Variants in ARL6IP5 observed in about 807,000 individuals in gnomAD.
The protein encoded by ARL6IP5 is PRA1 family protein 3.
Under a neutral mutation model 13.0 loss-of-function variants are expected in ARL6IP5, and 6 were observed. That is an observed-to-expected ratio of 0.46 (90% CI 0.25 to 0.91). The LOEUF (loss-of-function observed/expected upper bound fraction) is 0.91, where lower values mean the gene tolerates loss of function less well. ARL6IP5 is among the 40% of genes least tolerant of loss of function. ARL6IP5 has a pLI of 0.17. For synonymous variants in ARL6IP5, 91 were observed against 91.9 expected (o/e 0.99, Z 0.06); for missense variants, 208 against 248.8 (o/e 0.84, Z 1.10).
intron 1 of ARL6IP5, among the ~76,000 whole-genome samples, chr3:69,091,654 CTTTT>C (rs529198443): frequency 9.5e-6 from 1 of 105,756 alleles, no homozygotes; most frequent in Admixed American, 9.9e-5. Context: ...CTCCGTCCAG[CTTTT>C]TTTTTTTTTT....
intron 1 of ARL6IP5, among the ~76,000 whole-genome samples, chr3:69,093,268 G>C (rs1333008511): frequency 6.6e-6 from 1 of 152,168 alleles, no homozygotes; most frequent in Non-Finnish European, 1.5e-5. Flanking sequence ...AAATTACACA[G>C]GATACAGTAA....
Position 69,104,753 on chromosome 3 carries a change from A to G in ARL6IP5, c.*117A>G, listed in dbSNP as rs973581153. 8 of 1,134,686 alleles carry G rather than the reference A, an allele frequency of 7.1e-6. No individual in the cohort carries two copies. Among genetic ancestry groups the G allele is most frequent in the Middle Eastern group, 1.9e-4 (1 of 5,152 alleles). 70.3% of individuals were successfully genotyped at this position (1,134,686 alleles called of 1,614,324 possible). On this transcript the variant is annotated 3_prime_UTR_variant, in exon 3 of 3. Coordinates refer to ENST00000273258, the MANE Select transcript of ARL6IP5 (RefSeq NM_006407.4). The stretch of plus-strand genomic sequence containing the variant: ...AGGTGCACGTACCACCCAATTATCT[A>G]TGGCAGCATGCATGTATAGGCCGAA...
chr3:69,103,518 A>AG (rs1318343829), intron 2 of ARL6IP5, among the ~76,000 whole-genome samples: 3 of 152,224 alleles, frequency 2.0e-5, no homozygotes, highest in Admixed American at 6.5e-5. Context: ...GTGGTACCCA[A>AG]GGATGTTAGG....
At chr3:69,085,630 C>A (rs1021988700) in intron 1 of ARL6IP5, among the ~76,000 whole-genome samples, 12 of 152,120 alleles carry the variant, frequency 7.9e-5, no homozygotes, top group African/African-American at 2.9e-4. Context: ...CTGGCTGGGG[C>A]GGCAGGGTGT....
intron 1 of ARL6IP5, among the ~76,000 whole-genome samples, chr3:69,097,416 C>T (rs1170315692): frequency 6.6e-6 from 1 of 151,034 alleles, no homozygotes; most frequent in Non-Finnish European, 1.5e-5. Flanking sequence ...TCAAGCGATG[C>T]ATCCGCCACC....
intron 1 of ARL6IP5, among the ~76,000 whole-genome samples, chr3:69,091,717 T>A (rs1376074533): frequency 1.3e-5 from 2 of 151,466 alleles, no homozygotes. Context: ...GTAGTTTCTG[T>A]TTCCTTTCCC....
chr3:69,104,714 G>A lies in ARL6IP5; in HGVS notation c.*78G>A, dbSNP rs1015033877. 3.5e-5 allele frequency: 54 copies of A among 1,528,172 alleles called. 2 individuals are homozygous for A. The Admixed American group carries it at 3.5e-4, about 10-fold the overall frequency. 94.7% of individuals were successfully genotyped at this position (1,528,172 alleles called of 1,614,324 possible). On this transcript the variant is annotated 3_prime_UTR_variant, in exon 3 of 3. Transcript: ENST00000273258. ...TTGTCCAGACCTATGTTCTGCTTGC[G>A]TTTTTGAAACAGGAGGTGCACGTAC...
intron 1 of ARL6IP5, among the ~76,000 whole-genome samples, chr3:69,093,983 T>C (rs2092278641): frequency 6.6e-6 from 1 of 152,154 alleles, no homozygotes; most frequent in Admixed American, 6.5e-5. Flanking sequence ...CATATGGAGC[T>C]GTGCTCTGGT....
At chr3:69,093,381 T>A (rs1490586714) in intron 1 of ARL6IP5, among the ~76,000 whole-genome samples, 1 of 152,182 alleles carries the variant, frequency 6.6e-6, no homozygotes, top group Admixed American at 6.5e-5. Flanking sequence ...AGAGACAGGC[T>A]CCTGTTCAGT....
In ARL6IP5 at chr3:69,104,625, G is replaced by T; in HGVS notation, c.556G>T (p.Val186Leu). 6.2e-7 allele frequency: 1 copy of T among 1,613,428 alleles called. No individual in the cohort carries two copies. The highest frequency in any genetic ancestry group is 8.5e-7 in the Non-Finnish European group (1 of 1,179,766). ...INRLTDYISK[V>L]KE ...CAGACTCACTGACTATATCAGCAAAGTGAAGGAATAAACATAACTTACCTG... is the reference window on the plus strand; with the variant it reads ...CAGACTCACTGACTATATCAGCAAATTGAAGGAATAAACATAACTTACCTG... Residue 186 changes from valine (V) to leucine (L), a missense_variant, in exon 3 of 3, where the codon GTG becomes TTG. By Grantham distance (32) the Val-to-Leu change is conservative. Coordinates refer to ENST00000273258, the MANE Select transcript of ARL6IP5 (RefSeq NM_006407.4).
intron 2 of ARL6IP5, among the ~76,000 whole-genome samples, chr3:69,103,260 A>C (rs1263882709): frequency 6.6e-6 from 1 of 152,232 alleles, no homozygotes; most frequent in Non-Finnish European, 1.5e-5. Context: ...TCCACATCAG[A>C]ACCTGAGACA....
Position 69,105,179 on chromosome 3 carries a change from T to C in ARL6IP5, c.*543T>C. Reference sequence around the variant, plus strand: ...GTGCAGTGGAAACTGGTTAAGCCAGTTGTTCATACTTCCTTTACAAATATA... The same window carrying C: ...GTGCAGTGGAAACTGGTTAAGCCAGCTGTTCATACTTCCTTTACAAATATA... On this transcript the variant is annotated 3_prime_UTR_variant, in exon 3 of 3. Transcript: ENST00000273258. The C allele has an allele frequency of 3.2e-6, 1 of 312,802 alleles. No individual in the cohort carries two copies. Among genetic ancestry groups the C allele is most frequent in the Non-Finnish European group, 5.9e-6 (1 of 170,934 alleles). 19.4% of individuals were successfully genotyped at this position (312,802 alleles called of 1,614,324 possible).
chr3:69,102,401 G>A (rs2092308514), intron 2 of ARL6IP5, among the ~76,000 whole-genome samples: 1 of 152,180 alleles, frequency 6.6e-6, no homozygotes, highest in African/African-American at 2.4e-5. Context: ...GAATAGCTGG[G>A]ACCACAGGTG....
chr3:69,089,578 G>T (rs888941977), intron 1 of ARL6IP5, among the ~76,000 whole-genome samples: 1 of 150,618 alleles, frequency 6.6e-6, no homozygotes, highest in African/African-American at 2.4e-5. Context: ...GCAGAGATGG[G>T]AGGATTGCTC....
At chr3:69,098,508 G>T (rs1028608220) in intron 1 of ARL6IP5, among the ~76,000 whole-genome samples, 1 of 151,888 alleles carries the variant, frequency 6.6e-6, no homozygotes, top group African/African-American at 2.4e-5. Flanking sequence ...GCCTCCCAAA[G>T]TGCTGGGATT....
intron 1 of ARL6IP5, among the ~76,000 whole-genome samples, chr3:69,091,156 C>T (rs768019402): frequency 9.9e-5 from 15 of 152,160 alleles, no homozygotes; most frequent in East Asian, 3.9e-4. Flanking sequence ...CAAGAACGCA[C>T]GCCACTGCAC....
chr3:69,093,691 G>C (rs188952014), intron 1 of ARL6IP5, among the ~76,000 whole-genome samples: 5 of 151,446 alleles, frequency 3.3e-5, no homozygotes, highest in Non-Finnish European at 7.4e-5. Context: ...GAACCAGGGA[G>C]TCAGAGGTTG....
intron 1 of ARL6IP5, among the ~76,000 whole-genome samples, chr3:69,087,588 C>T (rs1215720960): frequency 6.6e-6 from 1 of 152,206 alleles, no homozygotes; most frequent in Non-Finnish European, 1.5e-5. Flanking sequence ...CTGTGAAGGC[C>T]AGGGGCCAGC....
chr3:69,105,221 A>T lies in ARL6IP5; in HGVS notation c.*585A>T, dbSNP rs1051185951. 8 of 223,466 alleles carry T rather than the reference A, an allele frequency of 3.6e-5. No homozygotes were observed. The highest frequency in any genetic ancestry group is 1.6e-4 in the African/African-American group (7 of 43,322). The allele number at this position is 223,466 out of a possible 1,614,324, so 13.8% of individuals were successfully genotyped here. On this transcript the variant is annotated 3_prime_UTR_variant, in exon 3 of 3. Transcript: ENST00000273258. ...ACAAATATAAAGATAGCTGTTTAGG[A>T]TATTTTGTTACATTTTTGTAAATTT...
Sources: gnomAD v4.1 joint callset for allele counts (sites outside exome capture counted in the v4.1 genomes callset) on GRCh38, gnomAD v4.1.1 for gene constraint, MANE v1.5 for transcripts, NCBI Gene and HGNC (gene_info 2026-07-23, HGNC 2026-07-21) for gene names.